The following SDK1 variants were observed in gnomAD, a reference collection of about 807,000 sequenced individuals.
SDK1 encodes the protein sidekick cell adhesion molecule 1, also known as protein sidekick-1.
A neutral mutation model predicts 245.5 loss-of-function variants in SDK1; 157 were observed. The ratio of observed to expected loss-of-function variants is 0.64; its 90% CI spans 0.56 to 0.73. SDK1 has a LOEUF of 0.73. SDK1 is among the 30% of genes least tolerant of loss of function. The pLI, the probability that SDK1 is intolerant of heterozygous loss-of-function variation, is 0.00. For missense variants in SDK1, 3,583 were observed against 3,002.3 expected (o/e 1.19, Z -4.52); for synonymous variants, 1,647 against 1,278.5 (o/e 1.29, Z -6.15).
chr7:3,493,706 G>A (rs920346457), intron 1 of SDK1, among the ~76,000 whole-genome samples: 39 of 152,324 alleles, frequency 2.6e-4, no homozygotes, highest in South Asian at 1.0e-3. Context: ...AAGGTTAAAA[G>A]AATTATTCTT....
intron 44 of SDK1, among the ~76,000 whole-genome samples, chr7:4,262,587 T>C (rs1430422692): frequency 6.6e-6 from 1 of 151,624 alleles, no homozygotes; most frequent in East Asian, 2.0e-4. Flanking sequence ...TTAGACACCC[T>C]GGCTTATTCA....
At chr7:3,468,130 A>G (rs1465450440) in intron 1 of SDK1, among the ~76,000 whole-genome samples, 1 of 152,200 alleles carries the variant, frequency 6.6e-6, no homozygotes, top group African/African-American at 2.4e-5. Flanking sequence ...TTCAGTTGTG[A>G]AAAGTTCAGA....
chr7:3,368,546 A>G (rs567476036), intron 1 of SDK1, among the ~76,000 whole-genome samples: 17 of 152,284 alleles, frequency 1.1e-4, no homozygotes, highest in African/African-American at 4.1e-4. Flanking sequence ...AAGGGTTTGG[A>G]TCACGGGATG....
chr7:3,625,511 A>G (rs1782088353), intron 2 of SDK1, among the ~76,000 whole-genome samples: 1 of 152,116 alleles, frequency 6.6e-6, no homozygotes, highest in African/African-American at 2.4e-5. Context: ...AAGGCAGGGG[A>G]ATGAAGCAGG....
At chr7:3,568,813 G>A (rs189296684) in intron 1 of SDK1, among the ~76,000 whole-genome samples, 4 of 152,110 alleles carry the variant, frequency 2.6e-5, no homozygotes, top group Admixed American at 2.6e-4. Flanking sequence ...ATCCCTTCAG[G>A]CACCACACAA....
At chr7:3,869,088 T>A (rs1288671621) in intron 5 of SDK1, among the ~76,000 whole-genome samples, 1 of 151,076 alleles carries the variant, frequency 6.6e-6, no homozygotes, top group Non-Finnish European at 1.5e-5. Context: ...AATTGAAGAT[T>A]TTTTTTTCCC....
rs115063443 is a variant in SDK1 at position 3,527,649 on chromosome 7, G to A, written c.299-91431G>A. Reference sequence around the variant, plus strand: ...TCAGCTAGGGGGTGAGTGGTGGGAGGTGAGGTTGGAGGGATAGCCGGTTAG... The same window carrying A: ...TCAGCTAGGGGGTGAGTGGTGGGAGATGAGGTTGGAGGGATAGCCGGTTAG... On this transcript the variant is annotated intron_variant, in intron 1 of 44. Coordinates refer to ENST00000404826, the MANE Select transcript of SDK1 (RefSeq NM_152744.4). Among the ~76,000 whole-genome samples, 395 of 151,522 alleles carry A rather than the reference G, an allele frequency of 2.6e-3. 2 individuals carry two copies. The highest frequency in any genetic ancestry group is 9.1e-3 in the African/African-American group (375 of 41,306).
chr7:3,656,205 T>C (rs1247506959), intron 4 of SDK1, among the ~76,000 whole-genome samples: 1 of 152,178 alleles, frequency 6.6e-6, no homozygotes, highest in Non-Finnish European at 1.5e-5. Flanking sequence ...ATCCTTCCCT[T>C]CTCCTTTACT....
chr7:4,074,908 A>AT (rs1780549933), intron 20 of SDK1, among the ~76,000 whole-genome samples: 3 of 77,404 alleles, frequency 3.9e-5, no homozygotes, highest in African/African-American at 1.9e-4. Context: ...ATATATATAT[A>AT]TATATATATT....
At chr7:4,128,937 C>G (rs200643566) in intron 26 of SDK1, among the ~76,000 whole-genome samples, 256 of 26,874 alleles carry the variant, frequency 9.5e-3, no homozygotes, top group Admixed American at 0.016. Flanking sequence ...GGGGTGGGGT[C>G]CCCTGGAGGA....
At chr7:3,915,283 T>G (rs1011547129) in intron 5 of SDK1, among the ~76,000 whole-genome samples, 1 of 152,130 alleles carries the variant, frequency 6.6e-6, no homozygotes, top group Non-Finnish European at 1.5e-5. Flanking sequence ...AGGGGAGTCT[T>G]TGGTAGGAGA....
chr7:3,537,429 A>G (rs1376291241), intron 1 of SDK1, among the ~76,000 whole-genome samples: 1 of 152,142 alleles, frequency 6.6e-6, no homozygotes. Flanking sequence ...GCCGCTTTCC[A>G]AGGCCCCCGA....
chr7:3,336,452 C>T (rs1383400307), intron 1 of SDK1, among the ~76,000 whole-genome samples: 1 of 152,136 alleles, frequency 6.6e-6, no homozygotes, highest in Non-Finnish European at 1.5e-5. Context: ...CCAGCCCCCA[C>T]CAGCCACAAT....
At chr7:4,014,416 G>A (rs1333895574) in intron 16 of SDK1, among the ~76,000 whole-genome samples, 1 of 152,132 alleles carries the variant, frequency 6.6e-6, no homozygotes, top group East Asian at 1.9e-4. Flanking sequence ...CAGTACCCTA[G>A]GCCTGTGAAT....
intron 4 of SDK1, among the ~76,000 whole-genome samples, chr7:3,772,932 G>A (rs755507581): frequency 6.6e-5 from 10 of 152,096 alleles, no homozygotes; most frequent in East Asian, 1.9e-4. Context: ...CCCATGTATC[G>A]TGATGAATCA....
chr7:3,590,018 T>C (rs1031188279), intron 1 of SDK1, among the ~76,000 whole-genome samples: 9 of 152,224 alleles, frequency 5.9e-5, no homozygotes, highest in Admixed American at 3.3e-4. Context: ...GGCCAGGATA[T>C]ACGTGAGAGT....
chr7:3,332,778 C>T (rs1468420684), intron 1 of SDK1, among the ~76,000 whole-genome samples: 2 of 151,586 alleles, frequency 1.3e-5, no homozygotes, highest in Non-Finnish European at 3.0e-5. Flanking sequence ...AACTTCTTTT[C>T]CCCCCAGGAA....
chr7:3,369,132 C>T (rs982838780), intron 1 of SDK1, among the ~76,000 whole-genome samples: 2 of 151,996 alleles, frequency 1.3e-5, no homozygotes, highest in African/African-American at 4.8e-5. Context: ...GCAACCTCTG[C>T]CTCCCAGGCT....
At chr7:3,453,863 T>G (rs941613374) in intron 1 of SDK1, among the ~76,000 whole-genome samples, 1 of 151,828 alleles carries the variant, frequency 6.6e-6, no homozygotes. Context: ...CTTGGCAGTA[T>G]TTTTTTTAAT....
Sources: allele counts gnomAD v4.1 joint callset (sites outside exome capture counted in the v4.1 genomes callset), GRCh38; gene constraint gnomAD v4.1.1; transcripts MANE v1.5; gene names NCBI Gene and HGNC (gene_info 2026-07-23, HGNC 2026-07-21).